SYT9: variants seen among roughly 807,000 people sequenced by gnomAD.
SYT9 encodes the protein synaptotagmin 9, also known as synaptotagmin-9.
In SYT9, 22 loss-of-function variants were observed where a neutral mutation model predicts 48.4. The observed-to-expected ratio is 0.45, with a 90% CI of 0.32 to 0.65. The LOEUF is 0.65. Ranked by LOEUF, SYT9 falls within the 30% of genes least tolerant of loss-of-function variation. The pLI is 0.03. For missense variants in SYT9, 577 were observed against 622.0 expected (o/e 0.93, Z 0.77); for synonymous variants, 265 against 245.0 (o/e 1.08, Z -0.76).
At position 7,252,474 on chromosome 11, in the gene SYT9, A is replaced by G; in HGVS notation, c.145+143A>G. The G allele has an allele frequency of 1.1e-6, 1 of 938,220 alleles. No individual in the cohort carries two copies. The highest frequency in any genetic ancestry group is 1.4e-6 in the Non-Finnish European group (1 of 699,718). 58.1% of individuals were successfully genotyped at this position (938,220 alleles called of 1,614,324 possible). On this transcript the variant is annotated intron_variant, in intron 1 of 6. Transcript: ENST00000318881. This position sits in a 1 kb window ranked among gnomAD's most constrained non-coding sequence, Gnocchi z 6.3. ...CGAGCCAGGAGAGTGATCAAGAACC[A>G]GCGCACTGTGGCCTGATGCTGTAAC...
intron 3 of SYT9, among the ~76,000 whole-genome samples, chr11:7,328,942 C>T (rs147047751): frequency 1.8e-3 from 281 of 152,174 alleles, no homozygotes; most frequent in African/African-American, 6.5e-3. Context: ...AGAAATCAAC[C>T]GCTCTCTATG....
intron 3 of SYT9, among the ~76,000 whole-genome samples, chr11:7,383,029 T>A (rs964558196): frequency 6.6e-6 from 1 of 152,218 alleles, no homozygotes; most frequent in Non-Finnish European, 1.5e-5. Context: ...ATTAGTAGGA[T>A]CCATCGCTTA....
At chr11:7,305,530 A>C (rs1344911475) in intron 2 of SYT9, among the ~76,000 whole-genome samples, 1 of 152,198 alleles carries the variant, frequency 6.6e-6, no homozygotes, top group Non-Finnish European at 1.5e-5. Context: ...TTTTGCTAAC[A>C]AAAAGGAAAA....
chr11:7,381,566 C>T (rs1377834781), intron 3 of SYT9, among the ~76,000 whole-genome samples: 1 of 152,132 alleles, frequency 6.6e-6, no homozygotes, highest in African/African-American at 2.4e-5. Flanking sequence ...AGCAGAGTAC[C>T]TGGTAAGCCC....
intron 3 of SYT9, among the ~76,000 whole-genome samples, chr11:7,358,729 G>C (rs1323996657): frequency 2.0e-5 from 3 of 152,140 alleles, no homozygotes; most frequent in Admixed American, 2.0e-4. Context: ...CTATGTGGTG[G>C]AATACATTAT....
chr11:7,250,623 G>T (rs911468410), upstream of SYT9, among the ~76,000 whole-genome samples: 1 of 152,088 alleles, frequency 6.6e-6, no homozygotes, highest in Non-Finnish European at 1.5e-5. Flanking sequence ...CTCTCTGGAG[G>T]CATCTTTACC....
At chr11:7,282,928 A>G (rs745353211) in intron 1 of SYT9, among the ~76,000 whole-genome samples, 20 of 148,746 alleles carry the variant, frequency 1.3e-4, no homozygotes, top group South Asian at 6.4e-4. Context: ...ACACACACGC[A>G]CACACACACA....
intron 3 of SYT9, among the ~76,000 whole-genome samples, chr11:7,350,449 T>A (rs762850472): frequency 2.6e-5 from 4 of 152,144 alleles, no homozygotes; most frequent in Non-Finnish European, 5.9e-5. Context: ...ATAACATCAG[T>A]TTGAAGAATG....
At chr11:7,369,292 C>A (rs190798370) in intron 3 of SYT9, among the ~76,000 whole-genome samples, 98 of 151,042 alleles carry the variant, frequency 6.5e-4, no homozygotes, top group Non-Finnish European at 1.1e-3. Context: ...AGTGTCTGTT[C>A]GTATTATTTG....
At chr11:7,319,373 G>T (rs970754609) in intron 3 of SYT9, among the ~76,000 whole-genome samples, 1 of 151,460 alleles carries the variant, frequency 6.6e-6, no homozygotes, top group African/African-American at 2.4e-5. Context: ...ACAAAACTGA[G>T]TTACTTTGAT....
At chr11:7,361,606 A>G (rs577761456) in intron 3 of SYT9, among the ~76,000 whole-genome samples, 1 of 152,230 alleles carries the variant, frequency 6.6e-6, no homozygotes, top group Admixed American at 6.5e-5. Context: ...TGCTTGGGTT[A>G]TCATTTACAG....
chr11:7,443,568 C>A (rs112037111), intron 6 of SYT9, among the ~76,000 whole-genome samples: 1 of 152,228 alleles, frequency 6.6e-6, no homozygotes, highest in Non-Finnish European at 1.5e-5. Context: ...CCAGCCAGCT[C>A]AGCTGAAATC....
chr11:7,454,985 G>A (rs1183127948), intron 6 of SYT9, among the ~76,000 whole-genome samples: 1 of 152,222 alleles, frequency 6.6e-6, no homozygotes, highest in Non-Finnish European at 1.5e-5. Flanking sequence ...CAGATACACA[G>A]ATGAGAGAAA....
chr11:7,412,242 C>T (rs1482583393), intron 3 of SYT9, among the ~76,000 whole-genome samples: 3 of 152,076 alleles, frequency 2.0e-5, no homozygotes. Flanking sequence ...TGTCATATTT[C>T]CTTGCTTTTT....
chr11:7,367,019 T>C (rs1850257994), intron 3 of SYT9, among the ~76,000 whole-genome samples: 1 of 147,666 alleles, frequency 6.8e-6, no homozygotes, highest in East Asian at 2.0e-4. Flanking sequence ...TACGAAGGTA[T>C]AAAGAAGACA....
chr11:7,466,354 G>C (rs1848334212), intron 6 of SYT9, among the ~76,000 whole-genome samples: 1 of 152,130 alleles, frequency 6.6e-6, no homozygotes. Flanking sequence ...TGAAAGCAGG[G>C]GGAGTGTCCT....
intron 3 of SYT9, among the ~76,000 whole-genome samples, chr11:7,387,541 A>G (rs1297791719): frequency 1.3e-5 from 2 of 152,168 alleles, no homozygotes; most frequent in African/African-American, 2.4e-5. Context: ...CTTTGTGCCA[A>G]AACTTTGTAC....
intron 6 of SYT9, among the ~76,000 whole-genome samples, chr11:7,456,618 G>C (rs1180115931): frequency 6.6e-6 from 1 of 152,200 alleles, no homozygotes; most frequent in Non-Finnish European, 1.5e-5. Flanking sequence ...AAAGTTTAGG[G>C]TCAGTTGAGA....
intron 1 of SYT9, among the ~76,000 whole-genome samples, chr11:7,246,241 C>T (rs1847789314): frequency 6.6e-6 from 1 of 152,188 alleles, no homozygotes; most frequent in South Asian, 2.1e-4. Context: ...CCACCAGTGG[C>T]CTAGTCCCTT....
Sources: allele counts gnomAD v4.1 joint callset (sites outside exome capture counted in the v4.1 genomes callset), GRCh38; gene constraint gnomAD v4.1.1; non-coding constraint Gnocchi (gnomAD v3.1); transcripts MANE v1.5; gene names NCBI Gene and HGNC (gene_info 2026-07-23, HGNC 2026-07-21).